RNLS: variants seen among roughly 807,000 people sequenced by gnomAD.
RNLS encodes the protein renalase, FAD dependent amine oxidase.
A neutral mutation model predicts 39.8 loss-of-function variants in RNLS; 39 were observed. The ratio of observed to expected loss-of-function variants is 0.98; its 90% CI spans 0.76 to 1.28. RNLS has a LOEUF of 1.28. Ranked by LOEUF, RNLS falls within the 50% of genes most tolerant of loss-of-function variation. RNLS has a pLI of 0.00. For synonymous variants in RNLS, 147 were observed against 150.7 expected (o/e 0.98, Z 0.18); for missense variants, 410 against 413.3 (o/e 0.99, Z 0.07).
At chr10:88,173,996 T>A in the RNLS span, among the ~76,000 whole-genome samples, 1 of 151,866 alleles carries the variant, frequency 6.6e-6, no homozygotes, top group Non-Finnish European at 1.5e-5. Context: ...CCTTGGTATT[T>A]TTTTTTTTTG....
intron 3 of RNLS, among the ~76,000 whole-genome samples, chr10:88,575,159 T>TATATATATATAC (rs1386414416): frequency 1.2e-4 from 5 of 43,388 alleles, no homozygotes; most frequent in Admixed American, 9.6e-4. Context: ...TATATATATA[T>TATATATATATAC]ACACACACAC....
At chr10:88,471,780 G>A (rs1843543228) in intron 4 of RNLS, among the ~76,000 whole-genome samples, 1 of 152,124 alleles carries the variant, frequency 6.6e-6, no homozygotes, top group African/African-American at 2.4e-5. Flanking sequence ...GGAGTCTCAT[G>A]GGGATGTGTC....
the RNLS span, among the ~76,000 whole-genome samples, chr10:88,172,816 A>G: frequency 6.3e-5 from 6 of 95,876 alleles, no homozygotes; most frequent in African/African-American, 1.9e-4. Flanking sequence ...GGGGTCTTAC[A>G]TTTAAACTTC....
chr10:88,508,965 T>C (rs1354168712), intron 4 of RNLS, among the ~76,000 whole-genome samples: 2 of 152,042 alleles, frequency 1.3e-5, no homozygotes, highest in Non-Finnish European at 1.5e-5. Flanking sequence ...ATACAATCAT[T>C]TTAGAATGAC....
chr10:88,261,374 C>CA, the RNLS span, among the ~76,000 whole-genome samples: 3 of 152,184 alleles, frequency 2.0e-5, no homozygotes, highest in Non-Finnish European at 4.4e-5. Flanking sequence ...CACCAGTTAT[C>CA]AGTGATTTCA....
In RNLS at chr10:88,509,856, C is replaced by T. The variant is rs534660686; in HGVS notation, c.526+63047G>A. On this transcript the variant is annotated intron_variant, in intron 4 of 6. Transcript: ENST00000331772. Reference sequence around the variant, plus strand: ...CCAATTGGTCATATAACCTTTCTTCCTCAAATATCCTTAAAAGCAATAAGA... The same window carrying T: ...CCAATTGGTCATATAACCTTTCTTCTTCAAATATCCTTAAAAGCAATAAGA... Among the ~76,000 whole-genome samples, 4 of 152,180 alleles carry T rather than the reference C, an allele frequency of 2.6e-5. 1 individual carries two copies. Among genetic ancestry groups the T allele is most frequent in the African/African-American group, 4.8e-5 (2 of 41,546 alleles).
chr10:88,555,045 G>A (rs1848789674), intron 4 of RNLS, among the ~76,000 whole-genome samples: 1 of 152,046 alleles, frequency 6.6e-6, no homozygotes, highest in Admixed American at 6.6e-5. Context: ...CTTGCTCTTT[G>A]TATATGTAAG....
At chr10:88,365,859 T>G (rs1292086411) in intron 4 of RNLS, among the ~76,000 whole-genome samples, 1 of 152,100 alleles carries the variant, frequency 6.6e-6, no homozygotes, top group Non-Finnish European at 1.5e-5. Context: ...GAGTAAGTAA[T>G]TTCATTTTCT....
intron 4 of RNLS, among the ~76,000 whole-genome samples, chr10:88,396,071 G>C (rs1022974337): frequency 6.6e-6 from 1 of 152,010 alleles, no homozygotes; most frequent in Admixed American, 6.6e-5. Context: ...CAGCAAATCT[G>C]CTCTTCAAAA....
chr10:88,462,765 T>A (rs1029151220), intron 4 of RNLS, among the ~76,000 whole-genome samples: 1 of 151,950 alleles, frequency 6.6e-6, no homozygotes, highest in African/African-American at 2.4e-5. Flanking sequence ...GAGATGGAAG[T>A]TGAGGATCAA....
intron 4 of RNLS, among the ~76,000 whole-genome samples, chr10:88,363,551 T>A (rs1034845358): frequency 1.8e-4 from 28 of 152,072 alleles, no homozygotes; most frequent in Non-Finnish European, 3.4e-4. Flanking sequence ...GTCCCTCTAC[T>A]TAAGCAGAGG....
At chr10:88,245,585 G>C in the RNLS span, among the ~76,000 whole-genome samples, 1 of 152,156 alleles carries the variant, frequency 6.6e-6, no homozygotes, top group East Asian at 1.9e-4. Context: ...AATTCACCCT[G>C]TGCTGGGCTA....
At chr10:88,173,030 G>A in the RNLS span, among the ~76,000 whole-genome samples, 130 of 150,840 alleles carry the variant, frequency 8.6e-4, 3 homozygotes, top group East Asian at 0.021. Flanking sequence ...CCAATTTTTT[G>A]TATTTTTTTA....
intron 4 of RNLS, among the ~76,000 whole-genome samples, chr10:88,535,886 G>A (rs1847729452): frequency 6.6e-6 from 1 of 152,062 alleles, no homozygotes; most frequent in African/African-American, 2.4e-5. Context: ...GAAATAAGAT[G>A]ACTTAAAGGC....
intron 4 of RNLS, among the ~76,000 whole-genome samples, chr10:88,384,908 G>A (rs1851770805): frequency 6.6e-6 from 1 of 152,194 alleles, no homozygotes; most frequent in Admixed American, 6.5e-5. Flanking sequence ...AAGCCAGTTG[G>A]GGTCATACTC....
intron 4 of RNLS, among the ~76,000 whole-genome samples, chr10:88,382,260 T>C (rs1271294656): frequency 3.9e-5 from 6 of 152,248 alleles, no homozygotes; most frequent in South Asian, 2.1e-4. Context: ...CAGTGGAGTG[T>C]AGATGACTGT....
intron 4 of RNLS, among the ~76,000 whole-genome samples, chr10:88,445,077 G>T (rs1024792910): frequency 7.2e-5 from 11 of 152,092 alleles, no homozygotes; most frequent in Non-Finnish European, 4.4e-5. Context: ...AGAAAGGTTG[G>T]GTTACCCACA....
the RNLS span, among the ~76,000 whole-genome samples, chr10:88,224,020 C>G: frequency 7.0e-6 from 1 of 142,510 alleles, no homozygotes; most frequent in Admixed American, 7.3e-5. Context: ...TTGGACCATG[C>G]CCAAAATGAG....
intron 4 of RNLS, among the ~76,000 whole-genome samples, chr10:88,412,630 T>G (rs1180724098): frequency 6.6e-6 from 1 of 152,020 alleles, no homozygotes; most frequent in Admixed American, 6.6e-5. Flanking sequence ...TATGGCGTCA[T>G]AGGAAGGTAG....
Sources: gnomAD v4.1 joint callset for allele counts (sites outside exome capture counted in the v4.1 genomes callset) on GRCh38, gnomAD v4.1.1 for gene constraint, MANE v1.5 for transcripts, NCBI Gene and HGNC (gene_info 2026-07-23, HGNC 2026-07-21) for gene names.